Variants in GNL2 observed in about 807,000 individuals in gnomAD.
GNL2 encodes the protein nucleolar GTP-binding protein 2.
GNL2 carries 51 observed loss-of-function variants against 92.3 expected under a neutral mutation model. The ratio of observed to expected loss-of-function variants is 0.55; its 90% confidence interval spans 0.44 to 0.70. GNL2 has a LOEUF of 0.70. Among genes scored for constraint, GNL2 ranks in the 30% least tolerant of loss-of-function variants. GNL2 has a pLI of 0.00. For missense variants in GNL2, 844 were observed against 895.6 expected (o/e 0.94, Z 0.74); for synonymous variants, 283 against 300.6 (o/e 0.94, Z 0.61).
At chr1:37,594,036 C>A in intron 1 of GNL2, 190 bp from the exon 2 acceptor site, 2 of 542,920 alleles carry the variant, frequency 3.7e-6, no homozygotes, top group East Asian at 3.0e-5. Context: ...CAAAGCTGAC[C>A]CAATCTTTGA....
chr1:37,583,843 TG>T, intron 6 of GNL2, 23 bp downstream of exon 6: 2 of 1,352,822 alleles, frequency 1.5e-6, no homozygotes, highest in Non-Finnish European at 2.1e-6. Flanking sequence ...AACCACTCAA[TG>T]GGAGAGAATT....
At chr1:37,572,373 C>A (rs1000463555) in intron 12 of GNL2, among the ~76,000 whole-genome samples, 2 of 152,032 alleles carry the variant, frequency 1.3e-5, no homozygotes, top group African/African-American at 4.8e-5. Context: ...CATGGTAGAC[C>A]CCTAGATAGC....
intron 15 of GNL2, 139 bp from the exon 16 acceptor site, chr1:37,567,146 G>A: frequency 1.2e-6 from 1 of 836,702 alleles, no homozygotes; most frequent in Non-Finnish European, 1.8e-6. Flanking sequence ...CAGTGCTAAT[G>A]AGGGAGGGCT....
In GNL2 at chr1:37,569,038, T is replaced by C. The variant is rs750685865; in HGVS notation, c.1681A>G (p.Ser561Gly). The change falls in exon 13 of 16, where the codon AGC (serine) becomes GGC (glycine). Residue 561 changes from serine (S) to glycine (G), a missense_variant. By Grantham distance (56) the Ser-to-Gly change is moderately conservative. Coordinates refer to ENST00000373062, the MANE Select transcript of GNL2 (RefSeq NM_013285.3). ...EVSDLEEELE[S>G]FSDEEEEEQE... ...TCCTCCTCCTCTTCATCAGAAAAGC[T>C]CTCAAGCTCTTCCTCAAGATCTGAC... is the stretch of plus-strand genomic sequence containing the variant. 2 of 1,614,166 alleles carry C rather than the reference T, an allele frequency of 1.2e-6. No individual in the cohort carries two copies. Among genetic ancestry groups the C allele is most frequent in the South Asian group, 1.1e-5 (1 of 91,084 alleles).
At chr1:37,590,116 GT>G (rs1054186714) in intron 4 of GNL2, among the ~76,000 whole-genome samples, 1 of 151,924 alleles carries the variant, frequency 6.6e-6, no homozygotes, top group East Asian at 1.9e-4. Context: ...TATACTTTCT[GT>G]TTTTTTTAGA....
chr1:37,577,054 G>A (rs1643689018), intron 8 of GNL2, among the ~76,000 whole-genome samples: 1 of 151,830 alleles, frequency 6.6e-6, no homozygotes, highest in African/African-American at 2.4e-5. Context: ...CGAAGTTGCA[G>A]GGAACCAAGA....
intron 5 of GNL2, among the ~76,000 whole-genome samples, chr1:37,585,995 T>C (rs1257280487): frequency 6.6e-6 from 1 of 152,152 alleles, no homozygotes; most frequent in Non-Finnish European, 1.5e-5. Flanking sequence ...TAAGAACTTA[T>C]CTTTGGGGAA....
Position 37,590,803 on chromosome 1 carries a change from T to C in GNL2, c.287A>G (p.Gln96Arg), listed in dbSNP as rs369494790. 3.1e-6 allele frequency: 5 copies of C among 1,601,458 alleles called. No individual in the cohort carries two copies. Among genetic ancestry groups the C allele is most frequent in the Non-Finnish European group, 4.3e-6 (5 of 1,174,192 alleles). The stretch of plus-strand genomic sequence containing the variant: ...CTTCATAACTGTATCCATTTCCTCT[T>C]GAAATTTTTGTAATGATGACTGCTT... ...VIKQSSLQKF[Q>R]EEMDTVMKDP... Residue 96 changes from glutamine to arginine, a missense_variant, in exon 4 of 16, where the codon CAA becomes CGA. Coordinates refer to ENST00000373062, the MANE Select transcript of GNL2 (RefSeq NM_013285.3).
chr1:37,575,041 C>A lies in GNL2; in HGVS notation c.1144-218G>T, dbSNP rs967453366. ...CGGAGCCCAGAACTCAGCTTTAATC[C>A]CCACTCACCACAAACTAACTGTGTG... On this transcript the variant is annotated intron_variant, in intron 10 of 15. Coordinates refer to ENST00000373062, the MANE Select transcript of GNL2 (RefSeq NM_013285.3). This position sits in a 1 kb window ranked among gnomAD's most constrained non-coding sequence, Gnocchi z 4.1. 3.8e-4 allele frequency among the ~76,000 whole-genome samples: 58 copies of A among 152,284 alleles called. No individual in the cohort carries two copies. The highest frequency in any genetic ancestry group is 1.1e-3 in the African/African-American group (44 of 41,580).
At chr1:37,581,505 C>A (rs187326909) in intron 8 of GNL2, 8 of 456,030 alleles carry the variant, frequency 1.8e-5, no homozygotes, top group South Asian at 6.2e-5. Context: ...GCACAGCAGG[C>A]CTGGAAAGCC....
Position 37,582,979 on chromosome 1 carries a change from TAA to T in GNL2, c.637-45_637-44del, listed in dbSNP as rs761547639. 4.3e-5 allele frequency: 59 copies of T among 1,375,190 alleles called. No individual in the cohort carries two copies. In the African/African-American group the frequency reaches 7.8e-4, roughly 18 times the overall value. 85.2% of individuals were successfully genotyped at this position (1,375,190 alleles called of 1,614,324 possible). A position where few individuals can be genotyped will look rare whatever the true frequency, so the allele number is the denominator to read the frequency against. On this transcript the variant is annotated intron_variant, in intron 6 of 15. Transcript: ENST00000373062. ...CAAAAATGGTTTGCTACAGTACAAA[TAA>T]AAGAGGGATGACATTTAAGGGAGTC... is the stretch of plus-strand genomic sequence containing the variant.
At chr1:37,587,266 CA>C (rs11420067) in intron 5 of GNL2, 44 bp downstream of exon 5, 17,778 of 1,139,550 alleles carry the variant, frequency 0.016, 22 homozygotes, top group African/African-American at 0.049. Context: ...GACTCCATCT[CA>C]AAAAAAAAAA....
intron 12 of GNL2, among the ~76,000 whole-genome samples, chr1:37,572,481 T>G (rs1643609108): frequency 6.6e-6 from 1 of 152,104 alleles, no homozygotes; most frequent in Non-Finnish European, 1.5e-5. Flanking sequence ...AGACCAGAAA[T>G]TGAGTCTATC....
In GNL2 at chr1:37,569,158, CTG is replaced by C; in HGVS notation, c.1559_1560del (p.Thr520ArgfsTer15). On this transcript the variant is annotated frameshift_variant, in exon 13 of 16. Coordinates refer to ENST00000373062, the MANE Select transcript of GNL2 (RefSeq NM_013285.3). LOFTEE classifies it high-confidence loss of function. The stretch of plus-strand genomic sequence containing the variant: ...ACTCGTGTGAGAATCTGCTGCATCT[CTG>C]TGTTAGCATCACAGTGACTGTTCTC... Reference protein sequence around the residue: ...TEENSHCDANTEMQQILTRVR... With the variant: ...TEENSHCDANXEMQQILTRVR... The C allele has an allele frequency of 6.2e-7, 1 of 1,614,180 alleles. No homozygotes were observed. The highest frequency in any genetic ancestry group is 1.1e-5 in the South Asian group (1 of 91,078).
chr1:37,591,114 G>A (rs1643885124), intron 3 of GNL2, among the ~76,000 whole-genome samples: 1 of 152,180 alleles, frequency 6.6e-6, no homozygotes, highest in East Asian at 1.9e-4. Context: ...ATGAAACTGA[G>A]AAATAAATAG....
At chr1:37,590,210 G>A (rs375048780) in intron 4 of GNL2, among the ~76,000 whole-genome samples, 2 of 152,256 alleles carry the variant, frequency 1.3e-5, no homozygotes, top group Non-Finnish European at 1.5e-5. Context: ...AGGTTCAAGC[G>A]ATTCTCCTGC....
At chr1:37,580,303 C>A (rs1488121156) in intron 8 of GNL2, among the ~76,000 whole-genome samples, 1 of 152,122 alleles carries the variant, frequency 6.6e-6, no homozygotes, top group African/African-American at 2.4e-5. Flanking sequence ...TGTCTCAAAA[C>A]AAGAAATCAC....
chr1:37,570,771 G>A (rs1643582394), intron 12 of GNL2: 1 of 152,180 alleles, frequency 6.6e-6, no homozygotes, highest in Non-Finnish European at 1.5e-5. Context: ...CCTGAAGCAA[G>A]AGTATAAGGT....
intron 7 of GNL2, among the ~76,000 whole-genome samples, 199 bp from the exon 8 acceptor site, chr1:37,582,535 T>C (rs1261169736): frequency 6.6e-6 from 1 of 152,230 alleles, no homozygotes; most frequent in Non-Finnish European, 1.5e-5. Flanking sequence ...CAAAACAATA[T>C]TCCAAAAAAT....
Sources: gnomAD v4.1 joint callset for allele counts (sites outside exome capture counted in the v4.1 genomes callset) on GRCh38, gnomAD v4.1.1 for gene constraint, Gnocchi (gnomAD v3.1) non-coding constraint, MANE v1.5 for transcripts, NCBI Gene and HGNC (gene_info 2026-07-23, HGNC 2026-07-21) for gene names.